Variants in DCC observed in about 807,000 individuals in gnomAD.
The protein encoded by DCC is DCC netrin 1 receptor.
DCC carries 58 observed loss-of-function variants against 172.5 expected under a neutral mutation model. The observed-to-expected ratio is 0.34, with a 90% CI of 0.27 to 0.42. DCC has a LOEUF of 0.42. DCC is among the 10% of genes least tolerant of loss of function. The pLI is 1.00. For missense variants in DCC, 1,740 were observed against 1,791.0 expected (o/e 0.97, Z 0.51); for synonymous variants, 709 against 644.5 (o/e 1.10, Z -1.52).
chr18:52,751,500 C>A (rs571222616), intron 1 of DCC, among the ~76,000 whole-genome samples: 3 of 152,170 alleles, frequency 2.0e-5, no homozygotes, highest in African/African-American at 7.2e-5. Context: ...GCTTTATTGA[C>A]TTGCTTCTGC....
intron 2 of DCC, among the ~76,000 whole-genome samples, chr18:52,791,170 C>T (rs1227446496): frequency 6.6e-6 from 1 of 152,142 alleles, no homozygotes; most frequent in East Asian, 1.9e-4. Flanking sequence ...TTGGGGAATT[C>T]TCTCTGTGCC....
chr18:52,500,284 C>T (rs969933365), intron 1 of DCC, among the ~76,000 whole-genome samples: 14 of 152,044 alleles, frequency 9.2e-5, no homozygotes, highest in African/African-American at 2.7e-4. Context: ...AGCAAGGACG[C>T]GTGTAAAGGA....
intron 1 of DCC, among the ~76,000 whole-genome samples, chr18:52,431,863 G>C (rs1040499393): frequency 6.6e-6 from 1 of 152,122 alleles, no homozygotes; most frequent in Non-Finnish European, 1.5e-5. Flanking sequence ...TCTCTCTGAA[G>C]GGGATGGCTT....
chr18:53,033,022 A>G (rs1243555099), intron 5 of DCC, among the ~76,000 whole-genome samples: 1 of 152,144 alleles, frequency 6.6e-6, no homozygotes, highest in Admixed American at 6.6e-5. Flanking sequence ...CTTTACATTC[A>G]GGTTAAATAG....
chr18:52,651,250 G>A (rs2035125741), intron 1 of DCC, among the ~76,000 whole-genome samples: 1 of 152,212 alleles, frequency 6.6e-6, no homozygotes, highest in African/African-American at 2.4e-5. Context: ...GCAGCCTTGA[G>A]CTCTTGGGCT....
At chr18:53,459,089 T>C (rs2045517640) in intron 23 of DCC, 143 bp from the exon 24 acceptor site, 2 of 717,980 alleles carry the variant, frequency 2.8e-6, no homozygotes, top group Non-Finnish European at 4.9e-6. Flanking sequence ...CCAAGACAAG[T>C]CTGCCAATTC....
intron 7 of DCC, among the ~76,000 whole-genome samples, chr18:53,112,545 C>G (rs1216021897): frequency 6.6e-6 from 1 of 151,414 alleles, no homozygotes; most frequent in Non-Finnish European, 1.5e-5. Flanking sequence ...TTACAGTGAT[C>G]AAATTATGGG....
intron 1 of DCC, among the ~76,000 whole-genome samples, chr18:52,558,475 A>G (rs1219960123): frequency 6.6e-6 from 1 of 152,132 alleles, no homozygotes; most frequent in Non-Finnish European, 1.5e-5. Flanking sequence ...GTGAAAGATT[A>G]CTAGTATTCC....
chr18:53,022,524 AT>A (rs1344442769), intron 5 of DCC, among the ~76,000 whole-genome samples: 8 of 137,710 alleles, frequency 5.8e-5, no homozygotes, highest in South Asian at 2.4e-4. Flanking sequence ...TATGTTCAGT[AT>A]TTTTTATATA....
At position 53,512,216 on chromosome 18, in the gene DCC, G is replaced by A. The variant is rs542118569; in HGVS notation, c.4111+12706G>A. 8.6e-5 allele frequency among the ~76,000 whole-genome samples: 13 copies of A among 151,744 alleles called. No individual in the cohort carries two copies. In the East Asian group the frequency reaches 2.1e-3, roughly 25 times the overall value. On this transcript the variant is annotated intron_variant, in intron 27 of 28. Transcript: ENST00000442544. ...GCAGGAGCACACTGACACCTCACAC[G>A]GCAGGGTATTCCAACAGACCTGCAG... is the stretch of plus-strand genomic sequence containing the variant.
chr18:53,334,352 T>C (rs1367637), intron 14 of DCC, among the ~76,000 whole-genome samples: 94,392 of 152,100 alleles, frequency 0.62, 29,878 homozygotes, highest in African/African-American at 0.68. Context: ...GCCTTGCCTA[T>C]AGTAACCTGG....
chr18:52,575,299 A>G (rs1346184690), intron 1 of DCC, among the ~76,000 whole-genome samples: 1 of 152,152 alleles, frequency 6.6e-6, no homozygotes, highest in Non-Finnish European at 1.5e-5. Flanking sequence ...AAATATACAT[A>G]CTCTATGCTT....
chr18:52,794,327 ATTTC>A (rs1167629105), intron 2 of DCC, among the ~76,000 whole-genome samples: 1 of 151,346 alleles, frequency 6.6e-6, no homozygotes, highest in East Asian at 1.9e-4. Flanking sequence ...TGTGTCTTCA[ATTTC>A]TTTCATCATT....
chr18:52,800,545 G>C (rs887320974), intron 2 of DCC, among the ~76,000 whole-genome samples: 27 of 152,160 alleles, frequency 1.8e-4, no homozygotes, highest in African/African-American at 4.8e-5. Context: ...TACATAGATT[G>C]CTATCCTTCT....
intron 7 of DCC, among the ~76,000 whole-genome samples, chr18:53,136,193 T>TTATCTATCTATCTATCTATCTATC (rs149182187): frequency 1.6e-3 from 241 of 149,060 alleles, no homozygotes; most frequent in South Asian, 8.4e-3. Flanking sequence ...GCATGTGATT[T>TTATCTATCTATCTATCTATCTATC]TATCTATCTA....
chr18:52,985,096 T>G (rs9962633), intron 5 of DCC, among the ~76,000 whole-genome samples: 1 of 151,804 alleles, frequency 6.6e-6, no homozygotes, highest in Admixed American at 6.6e-5. Flanking sequence ...ATTCGTGTTG[T>G]TGATTGTTCG....
At chr18:53,037,741 C>A (rs2042115503) in intron 5 of DCC, among the ~76,000 whole-genome samples, 1 of 151,980 alleles carries the variant, frequency 6.6e-6, no homozygotes, top group Non-Finnish European at 1.5e-5. Context: ...TGGCCTCATT[C>A]TCACATTCCA....
At chr18:52,508,445 C>T (rs2031315934) in intron 1 of DCC, among the ~76,000 whole-genome samples, 1 of 151,964 alleles carries the variant, frequency 6.6e-6, no homozygotes, top group Admixed American at 6.6e-5. Flanking sequence ...CACAGCATGC[C>T]TTTATATTAA....
intron 5 of DCC, among the ~76,000 whole-genome samples, chr18:52,963,344 G>T (rs945709805): frequency 6.6e-6 from 1 of 151,678 alleles, no homozygotes; most frequent in African/African-American, 2.4e-5. Flanking sequence ...TTTTCTAGGA[G>T]AATGATATTA....
Sources: gnomAD v4.1 joint callset for allele counts (sites outside exome capture counted in the v4.1 genomes callset) on GRCh38, gnomAD v4.1.1 for gene constraint, MANE v1.5 for transcripts, NCBI Gene and HGNC (gene_info 2026-07-23, HGNC 2026-07-21) for gene names.